The following ERCC6L2 variants were observed in gnomAD, a reference collection of about 807,000 sequenced individuals.
ERCC6L2 encodes ERCC excision repair 6 like 2, also known as DNA excision repair protein ERCC-6-like 2.
Under a neutral mutation model 132.0 loss-of-function variants are expected in ERCC6L2, and 77 were observed. The ratio of observed to expected loss-of-function variants is 0.58; its 90% CI spans 0.49 to 0.71. ERCC6L2 has a LOEUF of 0.71. Among genes scored for constraint, ERCC6L2 ranks in the 30% least tolerant of loss-of-function variants. The pLI is 0.00. For synonymous variants in ERCC6L2, 583 were observed against 632.4 expected (o/e 0.92, Z 1.17); for missense variants, 1,542 against 1,837.6 (o/e 0.84, Z 2.94).
intron 1 of ERCC6L2, chr9:95,877,167 CTT>C (rs753250171): frequency 1.3e-4 from 20 of 152,308 alleles, no homozygotes; most frequent in Non-Finnish European, 2.8e-4. Flanking sequence ...TTTTAGGACA[CTT>C]AACCCATTTC....
At position 96,029,062 on chromosome 9, in the gene ERCC6L2, T is replaced by C. The variant is rs148433213; in HGVS notation, c.*1504-9814T>C. 7.5e-3 allele frequency among the ~76,000 whole-genome samples: 1,138 copies of C among 151,972 alleles called. 13 individuals are homozygous for C. The highest frequency in any genetic ancestry group is 0.026 in the African/African-American group (1,066 of 41,412). Reference sequence around the variant, plus strand: ...GCTCAGGCCTGTAATCCCAGCACTTTGGGAGGTCAAGGTGGGCGGATCACA... The same window carrying C: ...GCTCAGGCCTGTAATCCCAGCACTTCGGGAGGTCAAGGTGGGCGGATCACA... On this transcript the variant is annotated intron_variant and NMD_transcript_variant, in intron 19 of 20. Coordinates refer to the ERCC6L2 transcript ENST00000670016.
chr9:95,881,638 T>C (rs1024376546), intron 2 of ERCC6L2, among the ~76,000 whole-genome samples: 1 of 152,234 alleles, frequency 6.6e-6, no homozygotes, highest in African/African-American at 2.4e-5. Flanking sequence ...ACATTTGTTA[T>C]GCCACATAGC....
At chr9:95,920,313 C>A (rs996105302) in intron 6 of ERCC6L2, among the ~76,000 whole-genome samples, 1 of 152,136 alleles carries the variant, frequency 6.6e-6, no homozygotes, top group African/African-American at 2.4e-5. Flanking sequence ...ATATGAAGCC[C>A]TTTATGATGA....
At position 96,012,832 on chromosome 9, in the gene ERCC6L2, C is replaced by A. The variant is rs757762132; in HGVS notation, c.4282C>A (p.Pro1428Thr). The change falls in exon 19 of 19, where the codon CCA becomes ACA. Residue 1428 changes from proline (P) to threonine (T), a missense_variant. Pro to Thr is a conservative substitution (Grantham distance 38). Transcript: ENST00000653738. ...LKLENKKIEN[P>T]VLENTSVISL... Reference sequence around the variant, plus strand: ...ATTGGAAAACAAAAAGATAGAAAATCCAGTGCTGGAAAATACTTCTGTGAT... The same window carrying A: ...ATTGGAAAACAAAAAGATAGAAAATACAGTGCTGGAAAATACTTCTGTGAT... 2.2e-6 allele frequency: 3 copies of A among 1,367,434 alleles called. No individual in the cohort carries two copies. In the East Asian group the frequency reaches 1.4e-4, roughly 62 times the overall value. 84.7% of individuals were successfully genotyped at this position (1,367,434 alleles called of 1,614,324 possible).
At chr9:95,956,071 T>C in intron 13 of ERCC6L2, 58 bp downstream of exon 13, 1 of 989,370 alleles carries the variant, frequency 1.0e-6, no homozygotes, top group South Asian at 1.8e-5. Context: ...TTTCAAAAAT[T>C]AGGAACAAAT....
chr9:95,891,060 A>G lies in ERCC6L2; in HGVS notation c.472-6789A>G, dbSNP rs140224671. Among the ~76,000 whole-genome samples the G allele has an allele frequency of 4.1e-3, 623 of 152,286 alleles. 7 individuals carry two copies. Among genetic ancestry groups the G allele is most frequent in the African/African-American group, 0.014 (593 of 41,562 alleles). The stretch of plus-strand genomic sequence containing the variant: ...AAACTCTGTCTCTACTAAAAATACA[A>G]AATTAGCTGGGCATGGTGGCGCATG... On this transcript the variant is annotated intron_variant, in intron 2 of 18. Transcript: ENST00000653738.
At chr9:95,951,226 TGAA>T (rs1172835230) in intron 12 of ERCC6L2, among the ~76,000 whole-genome samples, 1 of 152,056 alleles carries the variant, frequency 6.6e-6, no homozygotes, top group Non-Finnish European at 1.5e-5. Context: ...ACAAAAGGGT[TGAA>T]GAAGAATTCA....
intron 15 of ERCC6L2, among the ~76,000 whole-genome samples, chr9:95,971,223 G>A (rs1316982989): frequency 6.6e-6 from 1 of 151,980 alleles, no homozygotes; most frequent in Non-Finnish European, 1.5e-5. Flanking sequence ...ATTTATACCA[G>A]TCCAATGAGT....
intron 17 of ERCC6L2, among the ~76,000 whole-genome samples, chr9:96,002,576 C>T (rs753354652): frequency 2.6e-4 from 39 of 152,128 alleles, no homozygotes; most frequent in Non-Finnish European, 2.6e-4. Context: ...GGCACGCCAC[C>T]GCACCAAGCT....
At chr9:95,946,169 C>G (rs561624296) in intron 12 of ERCC6L2, among the ~76,000 whole-genome samples, 20 of 152,214 alleles carry the variant, frequency 1.3e-4, no homozygotes, top group African/African-American at 4.8e-4. Flanking sequence ...AGCCAAAACT[C>G]TTATATATGA....
At chr9:95,876,415 C>T (rs1449310755) in intron 1 of ERCC6L2, 8 of 296,140 alleles carry the variant, frequency 2.7e-5, no homozygotes, top group Non-Finnish European at 5.0e-5. Flanking sequence ...TTTATGTGAC[C>T]CCGCGTGTGG....
At chr9:96,007,351 A>G (rs1833894245) in intron 18 of ERCC6L2, among the ~76,000 whole-genome samples, 1 of 152,242 alleles carries the variant, frequency 6.6e-6, no homozygotes, top group African/African-American at 2.4e-5. Flanking sequence ...GTGGTGGGCC[A>G]GATATGGGTG....
intron 19 of ERCC6L2, among the ~76,000 whole-genome samples, chr9:96,036,397 A>G (rs1159626143): frequency 1.3e-5 from 2 of 152,198 alleles, no homozygotes; most frequent in Non-Finnish European, 2.9e-5. Context: ...AGGCTGCATA[A>G]TATTCCACAT....
rs1467790223 is a variant in ERCC6L2, at chr9:95,930,028, T to G, written c.1751+1164T>G. Reference sequence around the variant, plus strand: ...TTGAATTTTTAATTTTAATCATACTTCGAAAAACATCTTTTTGGATGGCAT... The same window carrying G: ...TTGAATTTTTAATTTTAATCATACTGCGAAAAACATCTTTTTGGATGGCAT... On this transcript the variant is annotated intron_variant, in intron 11 of 18. Coordinates refer to ENST00000653738, the MANE Select transcript of ERCC6L2 (RefSeq NM_020207.7). 2.0e-5 allele frequency among the ~76,000 whole-genome samples: 3 copies of G among 152,192 alleles called. No homozygotes were observed. The East Asian group carries it at 5.8e-4, about 29-fold the overall frequency.
intron 2 of ERCC6L2, among the ~76,000 whole-genome samples, chr9:95,882,896 C>A (rs565200382): frequency 6.6e-6 from 1 of 152,174 alleles, no homozygotes; most frequent in African/African-American, 2.4e-5. Flanking sequence ...TTTAGCATGC[C>A]GGCCTGTAGG....
At chr9:96,005,762 G>A (rs1419604328) in intron 18 of ERCC6L2, among the ~76,000 whole-genome samples, 2 of 152,088 alleles carry the variant, frequency 1.3e-5, no homozygotes, top group Admixed American at 6.5e-5. Flanking sequence ...TTGAAGAATG[G>A]CACGATCTGA....
chr9:95,915,015 G>A (rs1289830533), intron 4 of ERCC6L2, among the ~76,000 whole-genome samples: 3 of 152,040 alleles, frequency 2.0e-5, no homozygotes, highest in Non-Finnish European at 2.9e-5. Flanking sequence ...ATTTTCAATT[G>A]TAGTCAATAT....
At chr9:95,957,517 C>A (rs10988792) in intron 13 of ERCC6L2, among the ~76,000 whole-genome samples, 27,057 of 150,426 alleles carry the variant, frequency 0.18, 2,495 homozygotes, top group South Asian at 0.28. Context: ...AGGAGCTGTT[C>A]TTTTGAGTAC....
rs1564306605 is a variant in ERCC6L2, at chr9:96,015,023, T to TTTTTG, written c.*1824_*1825insGTTTT. Reference sequence around the variant, plus strand: ...GTCTTCATATATGTACAGTTTTTTTTTTTTTTTTTTTTTTTTTGAGATTGA... The same window carrying TTTTTG: ...GTCTTCATATATGTACAGTTTTTTTTTTTTGTTTTTTTTTTTTTTTTTGAGATTGA... On this transcript the variant is annotated 3_prime_UTR_variant, in exon 19 of 19. Coordinates refer to ENST00000653738, the MANE Select transcript of ERCC6L2 (RefSeq NM_020207.7). Among the ~76,000 whole-genome samples the TTTTTG allele has an allele frequency of 4.9e-5, 6 of 123,702 alleles. No homozygotes were observed. The highest frequency in any genetic ancestry group is 2.1e-4 in the African/African-American group (6 of 29,114). The allele number at this position is 123,702 out of a possible 152,430, so 81.2% of individuals were successfully genotyped here. A position where few individuals can be genotyped will look rare whatever the true frequency, so the allele number is the denominator to read the frequency against.
Sources: allele counts gnomAD v4.1 joint callset (sites outside exome capture counted in the v4.1 genomes callset), GRCh38; gene constraint gnomAD v4.1.1; transcripts MANE v1.5; gene names NCBI Gene and HGNC (gene_info 2026-07-23, HGNC 2026-07-21).